CPLANE1: variants seen among roughly 807,000 people sequenced by gnomAD.
The protein encoded by CPLANE1 is ciliogenesis and planar polarity effector complex subunit 1, also known as ciliogenesis and planar polarity effector 1.
CPLANE1 carries 263 observed loss-of-function variants against 362.5 expected under a neutral mutation model. The observed-to-expected ratio is 0.73, with a 90% CI of 0.66 to 0.80. The LOEUF is 0.80. Ranked by LOEUF, CPLANE1 falls within the 30% of genes least tolerant of loss-of-function variation. The probability of loss-of-function intolerance (pLI) is 0.00; values close to 1 mark genes in which losing one functional copy is unlikely to be tolerated. For synonymous variants in CPLANE1, 1,212 were observed against 1,302.6 expected, an observed-to-expected ratio of 0.93 and a Z score of 1.50; for missense variants, 3,461 against 3,793.4, an observed-to-expected ratio of 0.91 and a Z score of 2.30.
chr5:37,243,946 G>T lies in CPLANE1; in HGVS notation c.570+429C>A, dbSNP rs145519348. On this transcript the variant is annotated intron_variant, in intron 5 of 52. Transcript: ENST00000651892. ...GCTCACTGCAACCTCCGCCTCCCAG[G>T]TTCAATCGATTCTCCTGCCTCAGCC... 5.9e-3 allele frequency among the ~76,000 whole-genome samples: 888 copies of T among 151,352 alleles called. 8 individuals are homozygous for T. Among genetic ancestry groups the T allele is most frequent in the African/African-American group, 0.02 (813 of 41,286 alleles).
the CPLANE1 span, among the ~76,000 whole-genome samples, chr5:37,098,941 A>G: frequency 6.6e-6 from 1 of 151,122 alleles, no homozygotes; most frequent in Non-Finnish European, 1.5e-5. Context: ...AAAAAAAAAA[A>G]AAAGAGAAAG....
At chr5:37,082,766 CCA>C in the CPLANE1 span, among the ~76,000 whole-genome samples, 1 of 120,560 alleles carries the variant, frequency 8.3e-6, no homozygotes. Flanking sequence ...ACGTGGAAAC[CCA>C]AAAAAAAAAA....
At chr5:37,206,877 T>C (rs575469489) in intron 16 of CPLANE1, among the ~76,000 whole-genome samples, 1 of 152,014 alleles carries the variant, frequency 6.6e-6, no homozygotes, top group Admixed American at 6.6e-5. Context: ...TTATTTCTCA[T>C]ACTAGATTAT....
At chr5:37,165,512 G>T in intron 36 of CPLANE1, 27 bp downstream of exon 36, 7 of 1,604,744 alleles carry the variant, frequency 4.4e-6, no homozygotes, top group Non-Finnish European at 6.0e-6. Context: ...GCAAACCAGG[G>T]AAGAATCTAT....
chr5:37,174,033 C>T (rs1780495349), intron 31 of CPLANE1, 86 bp from the exon 32 acceptor site: 1 of 1,138,054 alleles, frequency 8.8e-7, no homozygotes, highest in Non-Finnish European at 1.2e-6. Context: ...ATTTTGATCC[C>T]ACTTTTGTCT....
At chr5:37,150,765 A>G (rs1773305858) in intron 42 of CPLANE1, among the ~76,000 whole-genome samples, 1 of 152,204 alleles carries the variant, frequency 6.6e-6, no homozygotes, top group Non-Finnish European at 1.5e-5. Flanking sequence ...TGGACCTGGT[A>G]TAGAGCTAGC....
chr5:37,248,916 G>T (rs991686922), intron 1 of CPLANE1, among the ~76,000 whole-genome samples: 1 of 152,234 alleles, frequency 6.6e-6, no homozygotes, highest in African/African-American at 2.4e-5. Flanking sequence ...TCCGGATCCT[G>T]CTCGAGAAGC....
chr5:37,180,326 G>A, intron 27 of CPLANE1, 143 bp from the exon 28 acceptor site: 1 of 392,114 alleles, frequency 2.6e-6, no homozygotes, highest in Non-Finnish European at 4.4e-6. Flanking sequence ...GCTTAATTCA[G>A]TTTTTTAAAA....
At chr5:37,191,965 G>A (rs1216672836) in intron 21 of CPLANE1, among the ~76,000 whole-genome samples, 7 of 152,132 alleles carry the variant, frequency 4.6e-5, no homozygotes, top group Admixed American at 3.9e-4. Flanking sequence ...AAAGTCTACA[G>A]TAGTGTATAG....
chr5:37,090,277 G>A, the CPLANE1 span, among the ~76,000 whole-genome samples: 1 of 152,250 alleles, frequency 6.6e-6, no homozygotes, highest in African/African-American at 2.4e-5. Flanking sequence ...TCCCCTACAG[G>A]GTTAATAGGA....
At chr5:37,159,001 G>C (rs1776033350) in intron 38 of CPLANE1, among the ~76,000 whole-genome samples, 1 of 150,186 alleles carries the variant, frequency 6.7e-6, no homozygotes, top group Admixed American at 6.6e-5. Flanking sequence ...AGCCAGGATG[G>C]TCTCGATCTC....
At chr5:37,091,082 T>C in the CPLANE1 span, among the ~76,000 whole-genome samples, 1 of 152,224 alleles carries the variant, frequency 6.6e-6, no homozygotes, top group Admixed American at 6.5e-5. Flanking sequence ...AATTTCAACT[T>C]ACTCAGAGGC....
intron 43 of CPLANE1, among the ~76,000 whole-genome samples, chr5:37,145,443 G>A (rs545122232): frequency 2.4e-4 from 36 of 152,152 alleles, no homozygotes; most frequent in Middle Eastern, 6.8e-3. Flanking sequence ...TTTAAGAGAC[G>A]GTGTCTCACT....
intron 35 of CPLANE1, among the ~76,000 whole-genome samples, chr5:37,166,224 T>C (rs116128014): frequency 7.0e-4 from 107 of 152,332 alleles, no homozygotes; most frequent in African/African-American, 2.5e-3. Flanking sequence ...CCAATCAATA[T>C]ATGCGGTAAA....
chr5:37,122,103 T>A (rs963768369), intron 48 of CPLANE1, among the ~76,000 whole-genome samples: 1 of 152,172 alleles, frequency 6.6e-6, no homozygotes, highest in Non-Finnish European at 1.5e-5. Context: ...TTCATCAGAT[T>A]TCTGAAAATG....
At chr5:37,083,798 T>A in the CPLANE1 span, among the ~76,000 whole-genome samples, 2 of 152,194 alleles carry the variant, frequency 1.3e-5, no homozygotes, top group African/African-American at 2.4e-5. Context: ...ACCATTCACC[T>A]AAGAATAATC....
chr5:37,110,752 G>A (rs2149897911), intron 51 of CPLANE1, among the ~76,000 whole-genome samples: 1 of 151,836 alleles, frequency 6.6e-6, no homozygotes, highest in South Asian at 2.1e-4. Flanking sequence ...TTATGTAATT[G>A]GCCCAAGATG....
chr5:37,100,153 C>A, the CPLANE1 span, among the ~76,000 whole-genome samples: 1 of 151,948 alleles, frequency 6.6e-6, no homozygotes, highest in African/African-American at 2.4e-5. Context: ...TGTTGCTGTG[C>A]TTTAGCATTT....
chr5:37,227,258 A>G lies in CPLANE1; in HGVS notation c.1506T>C (p.Asn502=). The G allele has an allele frequency of 6.4e-7, 1 of 1,551,160 alleles. No homozygotes were observed. Among genetic ancestry groups the G allele is most frequent in the Non-Finnish European group, 8.7e-7 (1 of 1,146,826 alleles). The change falls in exon 11 of 53, where the codon AAT becomes AAC. Residue 502 remains asparagine, a synonymous_variant. Coordinates refer to ENST00000651892, the MANE Select transcript of CPLANE1 (RefSeq NM_001384732.1). ...TGCTAAGTACCTGAAAATCTGCTGC[A>G]TTTTCATTTATTGTTTCTTCTGCCT... ...FLQAEETINE[N]AADFQDFEAE... is the part of the protein sequence containing the mutation.
Sources: allele counts gnomAD v4.1 joint callset (sites outside exome capture counted in the v4.1 genomes callset), GRCh38; gene constraint gnomAD v4.1.1; transcripts MANE v1.5; gene names NCBI Gene and HGNC (gene_info 2026-07-23, HGNC 2026-07-21).